The following TSPYL2 variants were observed in gnomAD, a reference collection of about 807,000 sequenced individuals.
TSPYL2 encodes the protein testis-specific Y-encoded-like protein 2.
In TSPYL2, 9 loss-of-function variants were observed where a neutral mutation model predicts 33.0. The observed-to-expected ratio is 0.27, with a 90% CI of 0.16 to 0.48. The LOEUF is 0.48. Ranked by LOEUF, TSPYL2 falls within the 20% of genes least tolerant of loss-of-function variation. TSPYL2 has a pLI of 0.99. For synonymous variants in TSPYL2, 330 were observed against 233.6 expected, an observed-to-expected ratio of 1.41 and a Z score of -3.77; for missense variants, 636 against 586.2, an observed-to-expected ratio of 1.08 and a Z score of -0.88.
chrX:53,085,212 C>T lies in TSPYL2; in HGVS notation c.1144-15C>T, dbSNP rs782501328. 33 of 1,193,122 alleles carry T rather than the reference C, an allele frequency of 2.8e-5. No individual in the cohort carries two copies. Among genetic ancestry groups the T allele is most frequent in the African/African-American group, 1.6e-4 (9 of 56,448 alleles). ...TACTAATGGCTGTCTTATTCCTTCT[C>T]CCCTTTTTCAACAGATTATCAAGAA... On this transcript the variant is annotated splice_polypyrimidine_tract_variant and intron_variant, in intron 4 of 6. Transcript: ENST00000375442.
chrX:53,084,983 C>T lies in TSPYL2; in HGVS notation c.1027C>T (p.Arg343Cys), dbSNP rs782710737. 5.0e-6 allele frequency: 6 copies of T among 1,209,589 alleles called. No individual in the cohort carries two copies. In the South Asian group the frequency reaches 5.3e-5, roughly 11 times the overall value. ...GRLVSHSTPI[R>C]WHRGQEPQAR... ...GCTGGTGTCTCACTCAACCCCAATC[C>T]GCTGGCACCGGGGCCAGGAACCCCA... Residue 343 changes from arginine to cysteine, a missense_variant, in exon 4 of 7, where the codon CGC (arginine) becomes TGC (cysteine). Physicochemically the swap from Arg to Cys is radical, Grantham distance 180. Coordinates refer to ENST00000375442, the MANE Select transcript of TSPYL2 (RefSeq NM_022117.4).
In TSPYL2 at chrX:53,082,437, G is replaced by A. The variant is rs1556807067; in HGVS notation, c.-62G>A. ...CTGCTTACCGGTGCGACTAGCGGCAGCGACGCGGCTAAAAGCGAAGGGGCG... is the reference window on the plus strand; with the variant it reads ...CTGCTTACCGGTGCGACTAGCGGCAACGACGCGGCTAAAAGCGAAGGGGCG... On this transcript the variant is annotated 5_prime_UTR_variant, in exon 1 of 7. Transcript: ENST00000375442. The A allele has an allele frequency of 1.9e-6, 2 of 1,048,059 alleles. No individual in the cohort carries two copies. Among genetic ancestry groups the A allele is most frequent in the African/African-American group, 3.9e-5 (2 of 51,043 alleles). 86.4% of individuals were successfully genotyped at this position (1,048,059 alleles called of 1,213,427 possible). A position where few individuals can be genotyped will look rare whatever the true frequency, so the allele number is the denominator to read the frequency against.
At chrX:53,087,719 A>G (rs1037845961) in intron 6 of TSPYL2, 57 bp from the exon 7 acceptor site, 2 of 1,132,864 alleles carry the variant, frequency 1.8e-6, no homozygotes, top group East Asian at 3.2e-5. Context: ...AGTGACACCT[A>G]TCTGCTCATC....
chrX:53,085,458 C>T (rs1378868912), intron 5 of TSPYL2, 137 bp downstream of exon 5: 6 of 745,838 alleles, frequency 8.0e-6, no homozygotes, highest in Non-Finnish European at 1.2e-5. Flanking sequence ...GAAATCATGC[C>T]CAGAAATGGC....
rs1556807114 is a variant in TSPYL2, at chrX:53,082,505, C to A, written c.7C>A (p.Arg3Ser). MD[R>S]PDEGPPAKTR... The stretch of plus-strand genomic sequence containing the variant: ...CTGTACGAACGCGGTCGCCATGGAC[C>A]GCCCAGATGAGGGGCCTCCGGCCAA... The change falls in exon 1 of 7, where the codon CGC becomes AGC. Residue 3 changes from arginine (R) to serine (S), a missense_variant. Coordinates refer to ENST00000375442, the MANE Select transcript of TSPYL2 (RefSeq NM_022117.4). 7 of 1,160,177 alleles carry A rather than the reference C, an allele frequency of 6.0e-6. No individual in the cohort carries two copies. The South Asian group carries it at 1.3e-4, about 22-fold the overall frequency.
At position 53,083,438 on chromosome X, in the gene TSPYL2, T is replaced by G. The variant is rs1932677671; in HGVS notation, c.807+133T>G. 3 of 600,760 alleles carry G rather than the reference T, an allele frequency of 5.0e-6. No homozygotes were observed. The South Asian group carries it at 8.1e-5, about 16-fold the overall frequency. 49.5% of individuals were successfully genotyped at this position (600,760 alleles called of 1,213,427 possible). A position where few individuals can be genotyped will look rare whatever the true frequency, so the allele number is the denominator to read the frequency against. Reference sequence around the variant, plus strand: ...ATGATCCCCCTATCGGAAGACGGACTAGACTGGGTGGAAGAGGGATGGAAG... The same window carrying G: ...ATGATCCCCCTATCGGAAGACGGACGAGACTGGGTGGAAGAGGGATGGAAG... On this transcript the variant is annotated intron_variant, in intron 1 of 6. Transcript: ENST00000375442.
chrX:53,085,288 G>A lies in TSPYL2; in HGVS notation c.1205G>A (p.Arg402Lys), dbSNP rs781788409. 12 of 1,209,318 alleles carry A rather than the reference G, an allele frequency of 9.9e-6. No individual in the cohort carries two copies. The highest frequency in any genetic ancestry group is 7.1e-5 in the South Asian group (4 of 56,432). Reference protein sequence around the residue: ...LRYYLRERGSRIKRKKQEMKK... With the variant: ...LRYYLRERGSKIKRKKQEMKK... ...TACTACCTGAGAGAAAGGGGCTCCA[G>A]GATAAAGAGAAAGAAGCAAGAAATG... The change falls in exon 5 of 7, where the codon AGG (arginine) becomes AAG (lysine). Residue 402 changes from arginine to lysine, a missense_variant. Around this residue, in one of 3 missense-constraint regions of TSPYL2, gnomAD observed 401 missense variants for 363.0 expected, o/e 1.10. Transcript: ENST00000375442.
intron 2 of TSPYL2, 27 bp downstream of exon 2, chrX:53,084,649 A>G: frequency 8.4e-7 from 1 of 1,197,490 alleles, no homozygotes; most frequent in Non-Finnish European, 1.1e-6. Flanking sequence ...ATTTTTTAGT[A>G]GGATCGGGCA....
intron 6 of TSPYL2, 192 bp from the exon 7 acceptor site, chrX:53,087,584 C>T (rs1556809096): frequency 4.6e-6 from 2 of 431,656 alleles, no homozygotes; most frequent in African/African-American, 5.2e-5. Context: ...CTCCATCTCC[C>T]TCTCATTCTG....
rs782018397 is a variant in TSPYL2 at position 53,083,158 on chromosome X, G to A, written c.660G>A (p.Glu220=). The part of the protein sequence containing the change: ...ERMESILQAL[E]DIQLDLEAVN... ...TGGAGAGCATCCTGCAGGCACTGGA[G>A]GATATTCAGCTGGATCTGGAGGCAG... is the stretch of plus-strand genomic sequence containing the variant. Residue 220 remains glutamate (E), a synonymous_variant, in exon 1 of 7, where the codon GAG becomes GAA. Coordinates refer to ENST00000375442, the MANE Select transcript of TSPYL2 (RefSeq NM_022117.4). 2 of 1,209,021 alleles carry A rather than the reference G, an allele frequency of 1.7e-6. No homozygotes were observed. The highest frequency in any genetic ancestry group is 3.5e-5 in the African/African-American group (2 of 56,802).
chrX:53,084,480 C>T, intron 1 of TSPYL2, 65 bp from the exon 2 acceptor site: 1 of 997,351 alleles, frequency 1.0e-6, no homozygotes, highest in East Asian at 3.1e-5. Flanking sequence ...TGTGCCCTTC[C>T]TGGCCTTCCC....
At chrX:53,084,390 T>G (rs1414652402) in intron 1 of TSPYL2, 155 bp from the exon 2 acceptor site, 3 of 449,935 alleles carry the variant, frequency 6.7e-6, no homozygotes, top group Non-Finnish European at 1.1e-5. Context: ...GGAATAAGTA[T>G]GGGTTATGTC....
chrX:53,085,125 A>G lies in TSPYL2; in HGVS notation c.1143+26A>G, dbSNP rs782790675. 1.0e-5 allele frequency: 12 copies of G among 1,197,227 alleles called. No homozygotes were observed. In the African/African-American group the frequency reaches 2.1e-4, roughly 21 times the overall value. On this transcript the variant is annotated intron_variant, in intron 4 of 6. Transcript: ENST00000375442. ...GTGGGGCCCTTCCTGGCATCACCAG[A>G]GAAGGCCTTGCTAGGCTTGTTCCTG...
rs782021440 is a variant in TSPYL2 at position 53,085,259 on chromosome X, A to C, written c.1176A>C (p.Leu392=). The change falls in exon 5 of 7, where the codon CTA becomes CTC. Residue 392 remains leucine, a synonymous_variant. Coordinates refer to ENST00000375442, the MANE Select transcript of TSPYL2 (RefSeq NM_022117.4). The stretch of plus-strand genomic sequence containing the variant: ...AGAATGATCTGTGGGTTAACCCTCT[A>C]CGCTACTACCTGAGAGAAAGGGGCT... ...IIKNDLWVNP[L]RYYLRERGSR... 2 of 1,208,690 alleles carry C rather than the reference A, an allele frequency of 1.7e-6. No homozygotes were observed. The highest frequency in any genetic ancestry group is 3.5e-5 in the African/African-American group (2 of 57,629).
rs1180597297 is a variant in TSPYL2 at position 53,087,699 on chromosome X, TC to T, written c.1919-74del. On this transcript the variant is annotated intron_variant, in intron 6 of 6. Transcript: ENST00000375442. ...TAAAAACCCTGGCTATGGTCTCTGT[TC>T]CCTTTTAGAGTGACACCTATCTGCT... 3 of 1,074,019 alleles carry T rather than the reference TC, an allele frequency of 2.8e-6. No individual in the cohort carries two copies. The East Asian group carries it at 9.9e-5, about 35-fold the overall frequency. 88.5% of individuals were successfully genotyped at this position (1,074,019 alleles called of 1,213,427 possible). A position where few individuals can be genotyped will look rare whatever the true frequency, so the allele number is the denominator to read the frequency against.
rs1444736813 is a variant in TSPYL2, at chrX:53,082,611, C to G, written c.113C>G (p.Pro38Arg). The part of the protein sequence containing the change: ...PPPPPPLLRL[P>R]LPPPQQRPRL... ...CCGCCGCCGCCGCTCCTCCGACTGC[C>G]GCTGCCTCCACCCCAGCAGCGCCCG... The change falls in exon 1 of 7, where the codon CCG (proline) becomes CGG (arginine). Residue 38 changes from proline to arginine, a missense_variant. By Grantham distance (103) the Pro-to-Arg change is moderately radical. Transcript: ENST00000375442. 2.6e-6 allele frequency: 3 copies of G among 1,155,430 alleles called. No individual in the cohort carries two copies. Among genetic ancestry groups the G allele is most frequent in the Admixed American group, 5.2e-5 (2 of 38,170 alleles).
chrX:53,082,860 C>T lies in TSPYL2; in HGVS notation c.362C>T (p.Pro121Leu), dbSNP rs782426401. ...GAGAGCCTGGAAGCACTCCCCACTC[C>T]TGAGGCCTCGGGGGGGAGCCTGGAA... ...PTESLEALPT[P>L]EASGGSLEID... Residue 121 changes from proline (P) to leucine (L), a missense_variant, in exon 1 of 7, where the codon CCT (proline) becomes CTT (leucine). Coordinates refer to ENST00000375442, the MANE Select transcript of TSPYL2 (RefSeq NM_022117.4). 9.7e-5 allele frequency: 117 copies of T among 1,207,627 alleles called. No homozygotes were observed. Among genetic ancestry groups the T allele is most frequent in the Non-Finnish European group, 1.3e-4 (115 of 894,317 alleles).
chrX:53,085,955 T>G lies in TSPYL2; in HGVS notation c.1563T>G (p.Asn521Lys), dbSNP rs1932756936. ...ACAACAACGAGAATCCTGAAGACAA[T>G]AACAAGAACACTGATGACAACGAAG... ...ADDNNENPED[N>K]NKNTDDNEEN... Residue 521 changes from asparagine to lysine, a missense_variant, in exon 6 of 7, where the codon AAT (asparagine) becomes AAG (lysine). Transcript: ENST00000375442. 8.3e-7 allele frequency: 1 copy of G among 1,202,096 alleles called. No individual in the cohort carries two copies. The highest frequency in any genetic ancestry group is 1.8e-5 in the African/African-American group (1 of 56,508).
rs144432318 is a variant in TSPYL2, at chrX:53,085,533, C to T, written c.1239-98C>T. The T allele has an allele frequency of 5.3e-4, 501 of 950,187 alleles. 2 individuals are homozygous for T. In the African/African-American group the frequency reaches 7.7e-3, roughly 15 times the overall value. 78.3% of individuals were successfully genotyped at this position (950,187 alleles called of 1,213,427 possible). On this transcript the variant is annotated intron_variant, in intron 5 of 6. Transcript: ENST00000375442. Reference sequence around the variant, plus strand: ...CACCCTAGCCCCATTCCTGGGATCCCTTATAGCCTACTGCTTCCCCAGTTA... The same window carrying T: ...CACCCTAGCCCCATTCCTGGGATCCTTTATAGCCTACTGCTTCCCCAGTTA...
Sources: gnomAD v4.1 joint callset for allele counts on GRCh38, gnomAD v4.1.1 for gene constraint, gnomAD v4.1.1 regional missense constraint, MANE v1.5 for transcripts, NCBI Gene and HGNC (gene_info 2026-07-23, HGNC 2026-07-21) for gene names.